The following RFWD3 variants were observed in gnomAD, a reference collection of about 807,000 sequenced individuals.
RFWD3 encodes ring finger and WD repeat domain 3.
Under a neutral mutation model 87.7 loss-of-function variants are expected in RFWD3, and 65 were observed. That is an observed-to-expected ratio of 0.74 (90% CI 0.61 to 0.91). RFWD3 has a LOEUF of 0.91. Among genes scored for constraint, RFWD3 ranks in the 40% least tolerant of loss-of-function variants. RFWD3 has a pLI of 0.00. For synonymous variants in RFWD3, 433 were observed against 352.8 expected (o/e 1.23, Z -2.55); for missense variants, 1,078 against 938.5 (o/e 1.15, Z -1.94).
Position 74,623,931 on chromosome 16 carries a change from C to T in RFWD3, c.2322G>A (p.Glu774=), listed in dbSNP as rs139672835. ...CTTCAAGGTTTCGAGACCACAGTCA[C>T]TCCCACTTATAGATGTGGACCATCT... The part of the protein sequence containing the change: ...TEKMVHIYKW[E] Residue 774 remains glutamate (E), a synonymous_variant, in exon 13 of 13, where the codon GAG becomes GAA. Transcript: ENST00000361070. 47 of 1,613,928 alleles carry T rather than the reference C, an allele frequency of 2.9e-5. No individual in the cohort carries two copies. The highest frequency in any genetic ancestry group is 4.0e-5 in the African/African-American group (3 of 74,918).
chr16:74,654,562 T>C (rs1490324057), intron 2 of RFWD3, among the ~76,000 whole-genome samples: 1 of 152,108 alleles, frequency 6.6e-6, no homozygotes, highest in Non-Finnish European at 1.5e-5. Context: ...TTAGGCCAGT[T>C]AGTAACTCTA....
At chr16:74,637,303 T>G (rs2144125601) in intron 7 of RFWD3, among the ~76,000 whole-genome samples, 1 of 152,196 alleles carries the variant, frequency 6.6e-6, no homozygotes, top group South Asian at 2.1e-4. Context: ...AAGTTTGGAA[T>G]TCTTGGTTGG....
chr16:74,626,953 T>A (rs1054179144), intron 11 of RFWD3, among the ~76,000 whole-genome samples: 2 of 152,160 alleles, frequency 1.3e-5, no homozygotes, highest in African/African-American at 4.8e-5. Flanking sequence ...GACTGCACAT[T>A]TTTATAAAGT....
chr16:74,640,755 T>C (rs925465923), intron 6 of RFWD3, among the ~76,000 whole-genome samples: 2 of 151,696 alleles, frequency 1.3e-5, no homozygotes, highest in Non-Finnish European at 2.9e-5. Context: ...CTGGCCAAGA[T>C]GGTGAAACCC....
intron 5 of RFWD3, 36 bp downstream of exon 5, chr16:74,644,504 CT>C: frequency 1.2e-6 from 2 of 1,614,178 alleles, no homozygotes; most frequent in Non-Finnish European, 1.7e-6. Flanking sequence ...ATCTGCCTGA[CT>C]TAACATGTTA....
At chr16:74,648,213 C>T (rs1393739842) in intron 4 of RFWD3, among the ~76,000 whole-genome samples, 2 of 152,032 alleles carry the variant, frequency 1.3e-5, no homozygotes, top group Non-Finnish European at 2.9e-5. Context: ...TCCTCCCTCC[C>T]CATTTTTAAA....
chr16:74,661,074 C>T lies in RFWD3; in HGVS notation c.376G>A (p.Gly126Arg), dbSNP rs201999750. Residue 126 changes from glycine to arginine, a missense_variant, in exon 2 of 13, where the codon GGA (glycine) becomes AGA (arginine). Transcript: ENST00000361070. ...AGCATGCCATGAAGTCTCTGCAGTC[C>T]GCTGATGAAGTTGGTCATTGAATGC... ...SLHSMTNFIS[G>R]LQRLHGMLEF... The T allele has an allele frequency of 5.9e-5, 96 of 1,614,032 alleles. No individual in the cohort carries two copies. Among genetic ancestry groups the T allele is most frequent in the Non-Finnish European group, 4.2e-6 (5 of 1,180,034 alleles).
At chr16:74,637,732 G>T in intron 7 of RFWD3, 124 bp downstream of exon 7, 1 of 648,430 alleles carries the variant, frequency 1.5e-6, no homozygotes, top group Non-Finnish European at 2.8e-6. Flanking sequence ...ATAAGGAGTT[G>T]GTCATGTTCA....
chr16:74,663,622 A>G (rs1360262284), intron 1 of RFWD3, among the ~76,000 whole-genome samples: 1 of 152,218 alleles, frequency 6.6e-6, no homozygotes, highest in Non-Finnish European at 1.5e-5. Flanking sequence ...ACCCACGAAC[A>G]TGACCCCCAC....
intron 2 of RFWD3, chr16:74,660,608 G>A (rs1038985793): frequency 8.3e-6 from 2 of 241,246 alleles, no homozygotes; most frequent in African/African-American, 2.3e-5. Context: ...CAGGTGGAAT[G>A]CCAGTGAATA....
At chr16:74,663,077 T>G (rs879731497) in intron 1 of RFWD3, among the ~76,000 whole-genome samples, 4 of 151,994 alleles carry the variant, frequency 2.6e-5, no homozygotes, top group African/African-American at 9.7e-5. Context: ...GCTAATTTTT[T>G]GTATTTTTAG....
Position 74,651,915 on chromosome 16 carries a change from C to T in RFWD3, c.721+5G>A. The T allele has an allele frequency of 6.2e-7, 1 of 1,613,600 alleles. No homozygotes were observed. On this transcript the variant is annotated splice_donor_5th_base_variant and intron_variant, in intron 3 of 12. Transcript: ENST00000361070. ...TGTGAGTCCAAACCTGGGTAAAATACTGACCTTCTAAAATGACAGCTCCAG... is the reference window on the plus strand; with the variant it reads ...TGTGAGTCCAAACCTGGGTAAAATATTGACCTTCTAAAATGACAGCTCCAG...
intron 2 of RFWD3, among the ~76,000 whole-genome samples, chr16:74,657,793 T>A (rs1961115243): frequency 6.6e-6 from 1 of 152,134 alleles, no homozygotes; most frequent in Non-Finnish European, 1.5e-5. Context: ...TTTTAGACAG[T>A]GCTAAGCAAG....
intron 2 of RFWD3, among the ~76,000 whole-genome samples, chr16:74,653,082 T>C (rs1332064897): frequency 6.6e-6 from 1 of 152,182 alleles, no homozygotes; most frequent in Non-Finnish European, 1.5e-5. Flanking sequence ...CTCATGTCTG[T>C]AATCCTAGCA....
intron 6 of RFWD3, among the ~76,000 whole-genome samples, chr16:74,640,611 C>A (rs904063414): frequency 6.6e-6 from 1 of 151,928 alleles, no homozygotes; most frequent in Non-Finnish European, 1.5e-5. Flanking sequence ...CCACTGCACT[C>A]TGGCCTTTGT....
Position 74,624,084 on chromosome 16 carries a change from A to T in RFWD3, c.2182-13T>A, listed in dbSNP as rs1045215295. On this transcript the variant is annotated splice_polypyrimidine_tract_variant and intron_variant, in intron 12 of 12. Coordinates refer to ENST00000361070, the MANE Select transcript of RFWD3 (RefSeq NM_018124.4). ...CAGCATCCCACAGCTAAAGAACACA[A>T]GCAGAGGGAAGGGTCAGGAGTCAGT... 6.2e-7 allele frequency: 1 copy of T among 1,613,016 alleles called. No homozygotes were observed. Among genetic ancestry groups the T allele is most frequent in the Non-Finnish European group, 8.5e-7 (1 of 1,179,516 alleles).
chr16:74,629,257 G>C (rs559997317), intron 10 of RFWD3, among the ~76,000 whole-genome samples: 2 of 152,254 alleles, frequency 1.3e-5, no homozygotes, highest in South Asian at 4.1e-4. Context: ...AGTTGCCAAA[G>C]TGTCTACTTT....
chr16:74,649,746 A>G (rs1489952904), intron 3 of RFWD3, among the ~76,000 whole-genome samples: 1 of 152,188 alleles, frequency 6.6e-6, no homozygotes, highest in Non-Finnish European at 1.5e-5. Flanking sequence ...CAGAATCCAA[A>G]AAAAGTCTCC....
intron 8 of RFWD3, among the ~76,000 whole-genome samples, chr16:74,633,843 A>G (rs1464710182): frequency 6.6e-6 from 1 of 151,926 alleles, no homozygotes; most frequent in Non-Finnish European, 1.5e-5. Flanking sequence ...CCAGTTACTC[A>G]AGAGGCTGAG....
Sources: gnomAD v4.1 joint callset for allele counts (sites outside exome capture counted in the v4.1 genomes callset) on GRCh38, gnomAD v4.1.1 for gene constraint, MANE v1.5 for transcripts, NCBI Gene and HGNC (gene_info 2026-07-23, HGNC 2026-07-21) for gene names.